The following KIRREL3 variants were observed in gnomAD, a reference collection of about 807,000 sequenced individuals.
KIRREL3 encodes kin of IRRE-like protein 3.
In KIRREL3, 36 loss-of-function variants were observed where a neutral mutation model predicts 89.7. The ratio of observed to expected loss-of-function variants is 0.40; its 90% confidence interval spans 0.31 to 0.53. The LOEUF (loss-of-function observed/expected upper bound fraction) is 0.53, where lower values mean the gene tolerates loss of function less well. KIRREL3 is among the 20% of genes least tolerant of loss of function. The pLI is 0.49. For synonymous variants in KIRREL3, 445 were observed against 441.4 expected (o/e 1.01, Z -0.10); for missense variants, 864 against 1,056.6 (o/e 0.82, Z 2.53).
At position 126,799,394 on chromosome 11, in the gene KIRREL3, GTGTGCATC is replaced by G. The variant is rs1565741615; in HGVS notation, c.55+201053_55+201060del. Among the ~76,000 whole-genome samples the G allele has an allele frequency of 3.1e-3, 15 of 4,876 alleles. 1 individual carries two copies. Among genetic ancestry groups the G allele is most frequent in the African/African-American group, 0.015 (15 of 988 alleles). 3.2% of individuals were successfully genotyped at this position (4,876 alleles called of 152,430 possible). ...TCTGTGTGTGCATGCGTGTATCTGT[GTGTGCATC>G]TATCTGTGTGTGCGTCTCTGTGTGC... On this transcript the variant is annotated intron_variant, in intron 1 of 16. Transcript: ENST00000525144.
chr11:126,483,973 A>T (rs1291791522), intron 4 of KIRREL3, among the ~76,000 whole-genome samples: 1 of 152,124 alleles, frequency 6.6e-6, no homozygotes, highest in African/African-American at 2.4e-5. Context: ...CTGCCATAAG[A>T]CCATGTGCCC....
intron 1 of KIRREL3, among the ~76,000 whole-genome samples, chr11:126,591,407 G>A (rs1306676590): frequency 6.6e-6 from 1 of 152,198 alleles, no homozygotes; most frequent in East Asian, 1.9e-4. Context: ...CTGGTGGGAG[G>A]TTTGTGCAAG....
rs1460912165 is a variant in KIRREL3 at position 126,740,658 on chromosome 11, G to GTGCT, written c.56-177750_56-177747dup. On this transcript the variant is annotated intron_variant, in intron 1 of 16. Coordinates refer to ENST00000525144, the MANE Select transcript of KIRREL3 (RefSeq NM_032531.4). The surrounding 1 kb of genome is among the most constrained non-coding windows in gnomAD (Gnocchi z 6.0). ...GCTTGACTGTGGCTCCAAGGGGGAG[G>GTGCT]TGCTAGTAGAGGGGCTCTAGTAGGG... 6.6e-6 allele frequency among the ~76,000 whole-genome samples: 1 copy of GTGCT among 152,124 alleles called. No homozygotes were observed.
At position 126,653,811 on chromosome 11, in the gene KIRREL3, C is replaced by A. The variant is rs1422574014; in HGVS notation, c.56-90899G>T. On this transcript the variant is annotated intron_variant, in intron 1 of 16. Transcript: ENST00000525144. This position sits in a 1 kb window ranked among gnomAD's most constrained non-coding sequence, Gnocchi z 5.4. ...TGGAGAAGGGCAGGGATGCCCCTGG[C>A]ACTTTTTTTGTCTCTGGTGCTATCA... Among the ~76,000 whole-genome samples, 1 of 152,200 alleles carries A rather than the reference C, an allele frequency of 6.6e-6. No homozygotes were observed. Among genetic ancestry groups the A allele is most frequent in the Admixed American group, 6.5e-5 (1 of 15,288 alleles).
Position 126,778,133 on chromosome 11 carries a change from AATAC to A in KIRREL3, c.56-215225_56-215222del, listed in dbSNP as rs1950222716. Among the ~76,000 whole-genome samples, 1 of 152,178 alleles carries A rather than the reference AATAC, an allele frequency of 6.6e-6. No homozygotes were observed. The highest frequency in any genetic ancestry group is 6.5e-5 in the Admixed American group (1 of 15,278). ...CCCCTGACCTCCCCACCCAGAGATA[AATAC>A]ATTTAACATTTCAGTGGATATCCTA... is the stretch of plus-strand genomic sequence containing the variant. On this transcript the variant is annotated intron_variant, in intron 1 of 16. Transcript: ENST00000525144. The surrounding 1 kb of genome is among the most constrained non-coding windows in gnomAD (Gnocchi z 4.5).
Position 126,562,422 on chromosome 11 carries a change from G to A in KIRREL3, c.133+413C>T, listed in dbSNP as rs1023952871. 6.6e-6 allele frequency among the ~76,000 whole-genome samples: 1 copy of A among 152,192 alleles called. No individual in the cohort carries two copies. The highest frequency in any genetic ancestry group is 2.4e-5 in the African/African-American group (1 of 41,450). ...ATTCTTCTTTGGTATTCTCCTAAGT[G>A]CCTGTATAGTGCTGTTTATTCAACA... On this transcript the variant is annotated intron_variant, in intron 2 of 16. Transcript: ENST00000525144. This position sits in a 1 kb window ranked among gnomAD's most constrained non-coding sequence, Gnocchi z 4.7.
chr11:126,634,756 A>G (rs1944194965), intron 1 of KIRREL3, among the ~76,000 whole-genome samples: 2 of 152,148 alleles, frequency 1.3e-5, no homozygotes, highest in Non-Finnish European at 2.9e-5. Context: ...AGCCTAGAAT[A>G]CTTGCTCCCT....
At chr11:126,499,613 C>G (rs188771048) in intron 4 of KIRREL3, among the ~76,000 whole-genome samples, 1 of 152,246 alleles carries the variant, frequency 6.6e-6, no homozygotes, top group Non-Finnish European at 1.5e-5. Flanking sequence ...AAGCATTGCA[C>G]GCCAAACATC....
In KIRREL3 at chr11:126,750,534, G is replaced by A. The variant is rs1178986533; in HGVS notation, c.56-187622C>T. ...GAATGTAGCAGCTAGGCTTTTCTTAGGGCAACTGGGCTGGGCCAGGGTCAC... is the reference window on the plus strand; with the variant it reads ...GAATGTAGCAGCTAGGCTTTTCTTAAGGCAACTGGGCTGGGCCAGGGTCAC... On this transcript the variant is annotated intron_variant, in intron 1 of 16. Transcript: ENST00000525144. This position sits in a 1 kb window ranked among gnomAD's most constrained non-coding sequence, Gnocchi z 4.2. Among the ~76,000 whole-genome samples, 4 of 152,190 alleles carry A rather than the reference G, an allele frequency of 2.6e-5. No homozygotes were observed. The highest frequency in any genetic ancestry group is 9.6e-5 in the African/African-American group (4 of 41,456).
At position 126,917,563 on chromosome 11, in the gene KIRREL3, C is replaced by A. The variant is rs1164330168; in HGVS notation, c.55+82892G>T. On this transcript the variant is annotated intron_variant, in intron 1 of 16. Transcript: ENST00000525144. This position sits in a 1 kb window ranked among gnomAD's most constrained non-coding sequence, Gnocchi z 5.0. ...ACGTAGCACCTCCACACCTATCCTG[C>A]CTCTCTTAGAGCACTGCTCAGTTGT... is the stretch of plus-strand genomic sequence containing the variant. Among the ~76,000 whole-genome samples the A allele has an allele frequency of 6.6e-6, 1 of 152,182 alleles. No individual in the cohort carries two copies. The highest frequency in any genetic ancestry group is 2.4e-5 in the African/African-American group (1 of 41,434).
chr11:126,981,852 C>T lies in KIRREL3; in HGVS notation c.55+18603G>A, dbSNP rs1591421134. ...GAGCCATCTGAGCTTCTGTAGCACA[C>T]ACTCCCTTGCTTGGGGGCTCTGCTG... On this transcript the variant is annotated intron_variant, in intron 1 of 16. Transcript: ENST00000525144. This position sits in a 1 kb window ranked among gnomAD's most constrained non-coding sequence, Gnocchi z 4.2. Among the ~76,000 whole-genome samples the T allele has an allele frequency of 6.6e-6, 1 of 152,210 alleles. No individual in the cohort carries two copies. The highest frequency in any genetic ancestry group is 2.1e-4 in the South Asian group (1 of 4,824).
At position 126,943,558 on chromosome 11, in the gene KIRREL3, C is replaced by T. The variant is rs1343055489; in HGVS notation, c.55+56897G>A. ...TGAGCCCAGGACAAGATTAAATCAG[C>T]AGACTGAACGATAAATGAACAGTAA... On this transcript the variant is annotated intron_variant, in intron 1 of 16. Transcript: ENST00000525144. The surrounding 1 kb of genome is among the most constrained non-coding windows in gnomAD (Gnocchi z 4.2). Among the ~76,000 whole-genome samples the T allele has an allele frequency of 6.6e-6, 1 of 152,172 alleles. No homozygotes were observed. Among genetic ancestry groups the T allele is most frequent in the Non-Finnish European group, 1.5e-5 (1 of 68,040 alleles).
At chr11:126,800,781 C>A (rs1951007258) in intron 1 of KIRREL3, among the ~76,000 whole-genome samples, 1 of 152,282 alleles carries the variant, frequency 6.6e-6, no homozygotes, top group Non-Finnish European at 1.5e-5. Context: ...TGCACAGAAC[C>A]ATTCAACCCC....
intron 8 of KIRREL3, among the ~76,000 whole-genome samples, chr11:126,447,928 C>T (rs1293459104): frequency 6.6e-6 from 1 of 152,178 alleles, no homozygotes; most frequent in Non-Finnish European, 1.5e-5. Flanking sequence ...GTTTTGAACA[C>T]ATCCAGCCAG....
Position 126,771,542 on chromosome 11 carries a change from A to G in KIRREL3, c.56-208630T>C, listed in dbSNP as rs116688596. On this transcript the variant is annotated intron_variant, in intron 1 of 16. Transcript: ENST00000525144. The surrounding 1 kb of genome is among the most constrained non-coding windows in gnomAD (Gnocchi z 4.4). ...CACAATTTTTGCCATTAAAAGTAAC[A>G]GCAAAACCTGCAATTACTTTTGCAC... is the stretch of plus-strand genomic sequence containing the variant. Among the ~76,000 whole-genome samples the G allele has an allele frequency of 1.4e-3, 207 of 152,342 alleles. No homozygotes were observed. The highest frequency in any genetic ancestry group is 4.5e-3 in the African/African-American group (187 of 41,588).
In KIRREL3 at chr11:126,441,142, G is replaced by C. The variant is rs1955549165; in HGVS notation, c.1253-593C>G. Among the ~76,000 whole-genome samples the C allele has an allele frequency of 6.6e-6, 1 of 152,228 alleles. No homozygotes were observed. The highest frequency in any genetic ancestry group is 2.4e-5 in the African/African-American group (1 of 41,460). ...AATGCATGCGCTGGCCGTGTTCACA[G>C]CCCTCCTCCCACCTGTGTCTCAGGA... On this transcript the variant is annotated intron_variant, in intron 10 of 16. Transcript: ENST00000525144. This position sits in a 1 kb window ranked among gnomAD's most constrained non-coding sequence, Gnocchi z 5.0.
intron 1 of KIRREL3, among the ~76,000 whole-genome samples, chr11:126,919,970 T>C (rs907973592): frequency 2.0e-5 from 3 of 152,228 alleles, no homozygotes; most frequent in African/African-American, 4.8e-5. Context: ...GTGCCATTTA[T>C]TGAACAATGA....
rs867811602 is a variant in KIRREL3, at chr11:126,652,429, A to G, written c.56-89517T>C. 2.6e-5 allele frequency among the ~76,000 whole-genome samples: 4 copies of G among 152,306 alleles called. No individual in the cohort carries two copies. Among genetic ancestry groups the G allele is most frequent in the Middle Eastern group, 3.4e-3 (1 of 294 alleles). ...ACAAGAGCTACCATGCCTTGAGCCC[A>G]TTCTAAATGGTAGGCAAGTGCTAGA... On this transcript the variant is annotated intron_variant, in intron 1 of 16. Transcript: ENST00000525144. This position sits in a 1 kb window ranked among gnomAD's most constrained non-coding sequence, Gnocchi z 4.9.
Position 126,766,290 on chromosome 11 carries a change from G to C in KIRREL3, c.56-203378C>G, listed in dbSNP as rs935892833. On this transcript the variant is annotated intron_variant, in intron 1 of 16. Coordinates refer to ENST00000525144, the MANE Select transcript of KIRREL3 (RefSeq NM_032531.4). This position sits in a 1 kb window ranked among gnomAD's most constrained non-coding sequence, Gnocchi z 4.2. ...ATGTCATCCATTCCTGACAGCCTTG[G>C]TGCTATAATATGGTCCTGCCAAACC... Among the ~76,000 whole-genome samples, 21 of 152,076 alleles carry C rather than the reference G, an allele frequency of 1.4e-4. No individual in the cohort carries two copies. The highest frequency in any genetic ancestry group is 6.6e-4 in the Admixed American group (10 of 15,266).
Sources: allele counts gnomAD v4.1 joint callset (sites outside exome capture counted in the v4.1 genomes callset), GRCh38; gene constraint gnomAD v4.1.1; non-coding constraint Gnocchi (gnomAD v3.1); transcripts MANE v1.5; gene names NCBI Gene and HGNC (gene_info 2026-07-23, HGNC 2026-07-21).